TBXAS1: variants seen among roughly 807,000 people sequenced by gnomAD.
TBXAS1 encodes thromboxane-A synthase.
TBXAS1 carries 48 observed loss-of-function variants against 60.7 expected under a neutral mutation model. That is an observed-to-expected ratio of 0.79 (90% CI 0.63 to 1.01). The LOEUF (loss-of-function observed/expected upper bound fraction) is 1.01, where lower values mean the gene tolerates loss of function less well. Among genes scored for constraint, TBXAS1 ranks in the 50% least tolerant of loss-of-function variants. The pLI is 0.00. For missense variants in TBXAS1, 685 were observed against 686.3 expected (o/e 1.00, Z 0.02); for synonymous variants, 287 against 269.7 (o/e 1.06, Z -0.63).
At chr7:139,987,548 C>T (rs1812588823) in intron 9 of TBXAS1, among the ~76,000 whole-genome samples, 1 of 152,172 alleles carries the variant, frequency 6.6e-6, no homozygotes, top group Admixed American at 6.5e-5. Context: ...GCACGCAGGA[C>T]TAAAGTCCCC....
intron 4 of TBXAS1, among the ~76,000 whole-genome samples, chr7:139,921,683 C>T (rs908968042): frequency 1.3e-5 from 2 of 152,160 alleles, no homozygotes; most frequent in African/African-American, 4.8e-5. Context: ...AGCCTGGGGA[C>T]AGAGCAAGAT....
chr7:139,893,655 C>G (rs1803838023), intron 3 of TBXAS1, among the ~76,000 whole-genome samples: 1 of 152,204 alleles, frequency 6.6e-6, no homozygotes, highest in Admixed American at 6.5e-5. Context: ...GCACCAAGAA[C>G]AGTAACTTGA....
At chr7:139,799,821 TTGGCTTCTGACTCAGAGTG>T (rs749660456) in intron 4 of TBXAS1, among the ~76,000 whole-genome samples, 1 of 152,224 alleles carries the variant, frequency 6.6e-6, no homozygotes, top group African/African-American at 2.4e-5. Flanking sequence ...TGGCTTTCAC[TTGGCTTCTGACTCAGAGTG>T]TATGAGGTCT....
At chr7:139,881,548 G>A (rs1322604461) in intron 3 of TBXAS1, among the ~76,000 whole-genome samples, 4 of 152,034 alleles carry the variant, frequency 2.6e-5, no homozygotes, top group African/African-American at 7.3e-5. Context: ...ATTCCTAGGT[G>A]TATTTCTGAT....
At chr7:139,855,387 G>A (rs1800510732) in intron 1 of TBXAS1, among the ~76,000 whole-genome samples, 1 of 152,066 alleles carries the variant, frequency 6.6e-6, no homozygotes, top group Admixed American at 6.6e-5. Flanking sequence ...TGGCCCCACG[G>A]TCTTGAGTTG....
chr7:139,830,668 A>G (rs768082861), intron 1 of TBXAS1, among the ~76,000 whole-genome samples: 16 of 152,080 alleles, frequency 1.1e-4, no homozygotes, highest in Admixed American at 6.5e-4. Flanking sequence ...ATGTGTTTTT[A>G]TGCTCCGGGA....
At chr7:139,891,810 A>G (rs916583472) in intron 3 of TBXAS1, among the ~76,000 whole-genome samples, 19 of 152,218 alleles carry the variant, frequency 1.2e-4, no homozygotes, top group African/African-American at 4.6e-4. Context: ...AGGAAACTTC[A>G]AACAGGAAGG....
chr7:139,961,869 C>T, intron 8 of TBXAS1, 50 bp from the exon 9 acceptor site: 1 of 1,611,172 alleles, frequency 6.2e-7, no homozygotes. Flanking sequence ...AAGCCTCACT[C>T]TTCATGACTG....
At chr7:139,965,772 T>TA (rs1810740739) in intron 9 of TBXAS1, among the ~76,000 whole-genome samples, 1 of 152,238 alleles carries the variant, frequency 6.6e-6, no homozygotes, top group Non-Finnish European at 1.5e-5. Context: ...TTTAAAAACA[T>TA]ACATTTGGTA....
chr7:140,007,206 C>T lies in TBXAS1; in HGVS notation c.1226+24C>T, dbSNP rs762827115. 7.5e-6 allele frequency: 12 copies of T among 1,609,140 alleles called. No individual in the cohort carries two copies. In the East Asian group the frequency reaches 2.7e-4, roughly 36 times the overall value. On this transcript the variant is annotated intron_variant, in intron 10 of 12. Coordinates refer to ENST00000448866, the MANE Select transcript of TBXAS1 (RefSeq NM_001061.7). Reference sequence around the variant, plus strand: ...AGGTGTGTGGTAGCCCCCTCCCCTGCCCGAGTCCCCACCTCCTACCCCTAC... The same window carrying T: ...AGGTGTGTGGTAGCCCCCTCCCCTGTCCGAGTCCCCACCTCCTACCCCTAC...
At chr7:140,016,480 A>G in intron 11 of TBXAS1, 1 of 262,292 alleles carries the variant, frequency 3.8e-6, no homozygotes, top group Non-Finnish European at 7.5e-6. Flanking sequence ...CATTCATTCA[A>G]GCCAGGACAT....
chr7:139,900,409 T>C lies in TBXAS1; in HGVS notation c.237-10816T>C, dbSNP rs117840391. On this transcript the variant is annotated intron_variant, in intron 3 of 12. Transcript: ENST00000448866. Reference sequence around the variant, plus strand: ...GTTGCATATTAATCTCCAGGACCCATGCCACCTCAGGGAGCAGGAAGACAC... The same window carrying C: ...GTTGCATATTAATCTCCAGGACCCACGCCACCTCAGGGAGCAGGAAGACAC... Among the ~76,000 whole-genome samples the C allele has an allele frequency of 5.9e-3, 899 of 152,272 alleles. 8 individuals are homozygous for C. Among genetic ancestry groups the C allele is most frequent in the South Asian group, 0.027 (132 of 4,828 alleles).
chr7:139,782,425 C>G (rs1797032069), intron 2 of TBXAS1: 1 of 150,968 alleles, frequency 6.6e-6, no homozygotes, highest in Non-Finnish European at 1.5e-5. Flanking sequence ...GACCTCATTT[C>G]AAGTTCATTT....
chr7:140,012,521 C>T (rs543420397), intron 10 of TBXAS1, among the ~76,000 whole-genome samples: 3 of 150,342 alleles, frequency 2.0e-5, no homozygotes, highest in Non-Finnish European at 2.9e-5. Context: ...TACAGTGGTG[C>T]GATCTCAGCT....
intron 1 of TBXAS1, among the ~76,000 whole-genome samples, chr7:139,869,799 T>C (rs556990852): frequency 2.0e-5 from 3 of 152,302 alleles, no homozygotes; most frequent in East Asian, 3.9e-4. Flanking sequence ...TTGGTGGTGA[T>C]ACAATTCAAC....
chr7:140,016,164 T>C (rs1376290541), intron 11 of TBXAS1, among the ~76,000 whole-genome samples: 1 of 151,802 alleles, frequency 6.6e-6, no homozygotes, highest in Non-Finnish European at 1.5e-5. Flanking sequence ...CCATCTCTAC[T>C]AAAAATACAA....
chr7:139,973,716 T>C (rs1016740462), intron 9 of TBXAS1, among the ~76,000 whole-genome samples: 9 of 152,196 alleles, frequency 5.9e-5, no homozygotes, highest in Non-Finnish European at 2.9e-5. Flanking sequence ...AAGTTAATCA[T>C]TTAGAAATCT....
intron 4 of TBXAS1, among the ~76,000 whole-genome samples, chr7:139,823,341 G>A (rs1798348918): frequency 6.6e-6 from 1 of 151,876 alleles, no homozygotes; most frequent in Non-Finnish European, 1.5e-5. Flanking sequence ...CTACTGCCAG[G>A]TCCCCAGTGA....
At position 139,975,597 on chromosome 7, in the gene TBXAS1, CAGG is replaced by C. The variant is rs1289762752; in HGVS notation, c.1134+13369_1134+13371del. Among the ~76,000 whole-genome samples, 1 of 152,134 alleles carries C rather than the reference CAGG, an allele frequency of 6.6e-6. No individual in the cohort carries two copies. The highest frequency in any genetic ancestry group is 2.4e-5 in the African/African-American group (1 of 41,434). On this transcript the variant is annotated intron_variant, in intron 9 of 12. Coordinates refer to ENST00000448866, the MANE Select transcript of TBXAS1 (RefSeq NM_001061.7). This position sits in a 1 kb window ranked among gnomAD's most constrained non-coding sequence, Gnocchi z 4.4. ...CAGCACTGAGAAAATGCCAGTCATTCAGGAGGACAGGGCAGCCCTGTCCTCGCC... is the reference window on the plus strand; with the variant it reads ...CAGCACTGAGAAAATGCCAGTCATTCAGGACAGGGCAGCCCTGTCCTCGCC...
Sources: gnomAD v4.1 joint callset for allele counts (sites outside exome capture counted in the v4.1 genomes callset) on GRCh38, gnomAD v4.1.1 for gene constraint, Gnocchi (gnomAD v3.1) non-coding constraint, MANE v1.5 for transcripts, NCBI Gene and HGNC (gene_info 2026-07-23, HGNC 2026-07-21) for gene names.